UHRF1: variants seen among roughly 807,000 people sequenced by gnomAD.
UHRF1 encodes the protein E3 ubiquitin-protein ligase UHRF1.
Under a neutral mutation model 96.5 loss-of-function variants are expected in UHRF1, and 9 were observed. The observed-to-expected ratio is 0.09, with a 90% CI of 0.06 to 0.16. The LOEUF (loss-of-function observed/expected upper bound fraction) is 0.16, where lower values mean the gene tolerates loss of function less well. UHRF1 is among the 10% of genes least tolerant of loss of function. The pLI is 1.00. For missense variants in UHRF1, 626 were observed against 1,131.1 expected, an observed-to-expected ratio of 0.55 and a Z score of 6.40; for synonymous variants, 455 against 469.9, an observed-to-expected ratio of 0.97 and a Z score of 0.41.
At chr19:4,924,181 G>C (rs556828686) in intron 2 of UHRF1, among the ~76,000 whole-genome samples, 1 of 151,422 alleles carries the variant, frequency 6.6e-6, no homozygotes, top group African/African-American at 2.4e-5. Flanking sequence ...ACGGAGTCTC[G>C]CTCTGTCGCC....
At chr19:4,929,708 C>T (rs541172039) in intron 3 of UHRF1, among the ~76,000 whole-genome samples, 24 of 152,308 alleles carry the variant, frequency 1.6e-4, no homozygotes, top group African/African-American at 2.9e-4. Context: ...GTGTCTTCTC[C>T]GTGAAGCTTG....
Position 4,954,630 on chromosome 19 carries a change from C to A in UHRF1, c.1958-20C>A. The A allele has an allele frequency of 1.2e-6, 2 of 1,609,660 alleles. No individual in the cohort carries two copies. The highest frequency in any genetic ancestry group is 3.4e-5 in the Admixed American group (2 of 59,244). ...GCTCGGGCCACGCGCCCCTCCCTCA[C>A]GCGCCCCACCCTCTTCCAGGAGGTG... On this transcript the variant is annotated intron_variant, in intron 14 of 16. Transcript: ENST00000650932. The surrounding 1 kb of genome is among the most constrained non-coding windows in gnomAD (Gnocchi z 5.9).
intron 2 of UHRF1, among the ~76,000 whole-genome samples, chr19:4,928,711 G>A (rs2032949616): frequency 6.6e-6 from 1 of 152,160 alleles, no homozygotes; most frequent in Admixed American, 6.5e-5. Flanking sequence ...CAGTGGGACC[G>A]TCCTGGGCAC....
At chr19:4,951,432 G>C (rs926687250) in intron 13 of UHRF1, among the ~76,000 whole-genome samples, 33 of 152,198 alleles carry the variant, frequency 2.2e-4, no homozygotes, top group African/African-American at 7.7e-4. Context: ...ACTCCAGGAG[G>C]CCTCCCGTCT....
At chr19:4,920,602 G>A (rs1047129410) in intron 2 of UHRF1, among the ~76,000 whole-genome samples, 1 of 150,950 alleles carries the variant, frequency 6.6e-6, no homozygotes, top group Admixed American at 6.6e-5. Context: ...GAGCACAGTG[G>A]CTATTCACAG....
At chr19:4,957,630 G>A (rs967419746) in intron 16 of UHRF1, among the ~76,000 whole-genome samples, 6 of 152,212 alleles carry the variant, frequency 3.9e-5, no homozygotes, top group African/African-American at 9.6e-5. Context: ...TTTTCAAACC[G>A]ATTGGTTTGG....
chr19:4,951,129 G>C (rs1170196468), intron 13 of UHRF1, 133 bp downstream of exon 13: 2 of 1,244,932 alleles, frequency 1.6e-6, no homozygotes, highest in Non-Finnish European at 2.2e-6. Context: ...AGCTGGGTAT[G>C]GTGGCGGGTG....
At chr19:4,953,280 G>A (rs2033767786) in intron 13 of UHRF1, among the ~76,000 whole-genome samples, 1 of 152,122 alleles carries the variant, frequency 6.6e-6, no homozygotes, top group South Asian at 2.1e-4. Flanking sequence ...AAGGTCCTCA[G>A]CACATGCTTG....
chr19:4,944,104 G>A (rs374761337), intron 7 of UHRF1, 28 bp from the exon 8 acceptor site: 72 of 1,612,156 alleles, frequency 4.5e-5, no homozygotes, highest in Non-Finnish European at 5.4e-5. Flanking sequence ...CAGGCTAGGC[G>A]TGGGCAGTGA....
chr19:4,945,766 C>T (rs993791752), intron 9 of UHRF1, 95 bp from the exon 10 acceptor site: 98 of 1,052,166 alleles, frequency 9.3e-5, no homozygotes, highest in East Asian at 1.6e-4. Context: ...AAAGTGAGGC[C>T]GCTGGCTGCT....
At chr19:4,924,946 C>G (rs1270574701) in intron 2 of UHRF1, among the ~76,000 whole-genome samples, 1 of 151,814 alleles carries the variant, frequency 6.6e-6, no homozygotes. Context: ...CCTGCTTCAG[C>G]CTCCTGAGTA....
chr19:4,913,138 T>G (rs1688927758), intron 2 of UHRF1, among the ~76,000 whole-genome samples: 1 of 152,098 alleles, frequency 6.6e-6, no homozygotes, highest in Admixed American at 6.6e-5. Flanking sequence ...CCAAAACCCC[T>G]ATCTCCCCTC....
At position 4,930,162 on chromosome 19, in the gene UHRF1, A is replaced by G. The variant is rs1295867257; in HGVS notation, c.409-554A>G. Among the ~76,000 whole-genome samples, 1 of 151,828 alleles carries G rather than the reference A, an allele frequency of 6.6e-6. No homozygotes were observed. The highest frequency in any genetic ancestry group is 1.9e-4 in the East Asian group (1 of 5,152). ...GCTAATTTTTGTATTTTTTGTAGAG[A>G]CGGGATTTCGCCATGTTGGCCAGGC... On this transcript the variant is annotated intron_variant, in intron 3 of 16. Coordinates refer to ENST00000650932, the MANE Select transcript of UHRF1 (RefSeq NM_001048201.3). The surrounding 1 kb of genome is among the most constrained non-coding windows in gnomAD (Gnocchi z 4.4).
At chr19:4,953,624 C>T (rs368620501) in intron 13 of UHRF1, among the ~76,000 whole-genome samples, 13 of 152,082 alleles carry the variant, frequency 8.5e-5, no homozygotes, top group African/African-American at 2.7e-4. Flanking sequence ...CCACCAGGCT[C>T]GGCTAATTTT....
At position 4,950,842 on chromosome 19, in the gene UHRF1, A is replaced by ATG. The variant is rs1369676106; in HGVS notation, c.1681-16_1681-15dup. Reference sequence around the variant, plus strand: ...GCTGCCTCTGATGGAGCTGACGCTGATGCCCGCTCTCTGCAGGTTGTGAAA... The same window carrying ATG: ...GCTGCCTCTGATGGAGCTGACGCTGATGTGCCCGCTCTCTGCAGGTTGTGAAA... On this transcript the variant is annotated splice_polypyrimidine_tract_variant and intron_variant, in intron 12 of 16. Coordinates refer to ENST00000650932, the MANE Select transcript of UHRF1 (RefSeq NM_001048201.3). 6.2e-7 allele frequency: 1 copy of ATG among 1,613,688 alleles called. No individual in the cohort carries two copies. Among genetic ancestry groups the ATG allele is most frequent in the Admixed American group, 1.7e-5 (1 of 59,962 alleles).
intron 2 of UHRF1, among the ~76,000 whole-genome samples, chr19:4,911,801 C>T (rs775709924): frequency 5.9e-5 from 9 of 152,208 alleles, no homozygotes; most frequent in Admixed American, 6.5e-5. Context: ...TGGGGTTTCC[C>T]GGCAGGATGA....
chr19:4,913,763 C>T lies in UHRF1; in HGVS notation c.153+2725C>T, dbSNP rs187530754. On this transcript the variant is annotated intron_variant, in intron 2 of 16. Coordinates refer to ENST00000650932, the MANE Select transcript of UHRF1 (RefSeq NM_001048201.3). ...AGTGTTCCTGTGTAACCTTCATAACCGCCTCTTAGTTCCCTTACCCTGTGG... is the reference window on the plus strand; with the variant it reads ...AGTGTTCCTGTGTAACCTTCATAACTGCCTCTTAGTTCCCTTACCCTGTGG... Among the ~76,000 whole-genome samples the T allele has an allele frequency of 4.6e-4, 70 of 151,356 alleles. No individual in the cohort carries two copies. In the East Asian group the frequency reaches 0.012, roughly 26 times the overall value.
In UHRF1 at chr19:4,950,660, G is replaced by A. The variant is rs764749550; in HGVS notation, c.1567G>A (p.Glu523Lys). ...TCCCATCAATGACCAAGAAGGGGCC[G>A]AGGCCAAGGACTGGCGGTCGGGGAA... ...FAPINDQEGAEAKDWRSGKPV... is the reference protein window; with the variant it reads ...FAPINDQEGAKAKDWRSGKPV... The change falls in exon 12 of 17, where the codon GAG becomes AAG. Residue 523 changes from glutamate to lysine, a missense_variant. Around this residue, in one of 11 missense-constraint regions of UHRF1, gnomAD observed 61 missense variants for 199.2 expected, o/e 0.31. Coordinates refer to ENST00000650932, the MANE Select transcript of UHRF1 (RefSeq NM_001048201.3). 1.2e-6 allele frequency: 2 copies of A among 1,612,042 alleles called. No homozygotes were observed. Among genetic ancestry groups the A allele is most frequent in the Non-Finnish European group, 8.5e-7 (1 of 1,179,370 alleles).
rs1324666560 is a variant in UHRF1, at chr19:4,930,766, G to A, written c.459G>A (p.Glu153=). ...ARDTNMGAWF[E]AQVVRVTRKA... is the part of the protein sequence containing the mutation. ...ACACGAACATGGGGGCGTGGTTTGA[G>A]GCGCAGGTGGTCAGGGTGACGCGGA... Residue 153 remains glutamate (E), a synonymous_variant, in exon 4 of 17, where the codon GAG becomes GAA. Coordinates refer to ENST00000650932, the MANE Select transcript of UHRF1 (RefSeq NM_001048201.3). This position sits in a 1 kb window ranked among gnomAD's most constrained non-coding sequence, Gnocchi z 4.4. The A allele has an allele frequency of 1.2e-6, 2 of 1,613,870 alleles. No homozygotes were observed. Among genetic ancestry groups the A allele is most frequent in the Non-Finnish European group, 1.7e-6 (2 of 1,179,904 alleles).
Sources: gnomAD v4.1 joint callset for allele counts (sites outside exome capture counted in the v4.1 genomes callset) on GRCh38, gnomAD v4.1.1 for gene constraint, gnomAD v4.1.1 regional missense constraint, Gnocchi (gnomAD v3.1) non-coding constraint, MANE v1.5 for transcripts, NCBI Gene and HGNC (gene_info 2026-07-23, HGNC 2026-07-21) for gene names.